Variants in DNAJC1 observed in about 807,000 individuals in gnomAD.
The protein encoded by DNAJC1 is DnaJ heat shock protein family (Hsp40) member C1.
Under a neutral mutation model 76.6 loss-of-function variants are expected in DNAJC1, and 58 were observed. That is an observed-to-expected ratio of 0.76 (90% CI 0.61 to 0.94). DNAJC1 has a LOEUF of 0.94. DNAJC1 is among the 40% of genes least tolerant of loss of function. The pLI, the probability that DNAJC1 is intolerant of heterozygous loss-of-function variation, is 0.00. For synonymous variants in DNAJC1, 258 were observed against 267.9 expected, an observed-to-expected ratio of 0.96 and a Z score of 0.36; for missense variants, 689 against 677.3, an observed-to-expected ratio of 1.02 and a Z score of -0.19.
intron 8 of DNAJC1, among the ~76,000 whole-genome samples, chr10:21,858,120 A>G (rs1590018409): frequency 1.3e-5 from 2 of 152,190 alleles, no homozygotes; most frequent in South Asian, 2.1e-4. Context: ...GAACACAAAA[A>G]CAATTTTGGA....
At chr10:21,936,778 G>C (rs1837319136) in intron 1 of DNAJC1, among the ~76,000 whole-genome samples, 1 of 151,668 alleles carries the variant, frequency 6.6e-6, no homozygotes, top group Non-Finnish European at 1.5e-5. Flanking sequence ...AGAATATAAA[G>C]ATCTACAGTA....
At chr10:21,828,358 C>G (rs888635160) in intron 8 of DNAJC1, among the ~76,000 whole-genome samples, 1 of 152,054 alleles carries the variant, frequency 6.6e-6, no homozygotes, top group South Asian at 2.1e-4. Flanking sequence ...AAATGAGTAA[C>G]CATTTACAAG....
chr10:21,887,684 A>G (rs1245582765), intron 7 of DNAJC1, among the ~76,000 whole-genome samples: 1 of 152,206 alleles, frequency 6.6e-6, no homozygotes, highest in Admixed American at 6.5e-5. Context: ...GGCTAGCCAT[A>G]TGCAGAAGAT....
chr10:21,870,758 G>C (rs1836090087), intron 8 of DNAJC1, among the ~76,000 whole-genome samples: 1 of 152,062 alleles, frequency 6.6e-6, no homozygotes, highest in African/African-American at 2.4e-5. Context: ...GTTGGCAACA[G>C]AGCGAGACCT....
intron 8 of DNAJC1, among the ~76,000 whole-genome samples, chr10:21,859,723 T>A (rs1835892900): frequency 6.6e-6 from 1 of 152,112 alleles, no homozygotes; most frequent in Non-Finnish European, 1.5e-5. Flanking sequence ...TTTTAGATTA[T>A]AAATACTGGA....
chr10:21,987,814 T>C (rs1838270619), intron 1 of DNAJC1, among the ~76,000 whole-genome samples: 1 of 152,200 alleles, frequency 6.6e-6, no homozygotes, highest in Admixed American at 6.5e-5. Flanking sequence ...AGCAGAACTC[T>C]AAGTGAAATA....
intron 1 of DNAJC1, among the ~76,000 whole-genome samples, chr10:21,962,296 G>A (rs139647610): frequency 1.3e-5 from 2 of 151,898 alleles, no homozygotes; most frequent in East Asian, 3.9e-4. Context: ...GTGAATTAAT[G>A]TATAGTAATT....
Position 21,756,676 on chromosome 10 carries a change from T to G in DNAJC1, c.*11A>C. On this transcript the variant is annotated 3_prime_UTR_variant, in exon 12 of 12. Transcript: ENST00000376980. ...TTGGAAAATGAAGGTGAACATCATC[T>G]CCCAGAATATTCAGCTTTTAGCTTG... 6.2e-7 allele frequency: 1 copy of G among 1,603,442 alleles called. No individual in the cohort carries two copies. The highest frequency in any genetic ancestry group is 1.3e-5 in the African/African-American group (1 of 74,826).
chr10:21,912,750 T>C (rs1836885116), intron 6 of DNAJC1, among the ~76,000 whole-genome samples: 1 of 152,090 alleles, frequency 6.6e-6, no homozygotes, highest in Non-Finnish European at 1.5e-5. Context: ...CATAGCCTTT[T>C]AGAAGCTTTT....
Position 21,777,230 on chromosome 10 carries a change from A to C in DNAJC1, c.1099-10921T>G, listed in dbSNP as rs191493044. Among the ~76,000 whole-genome samples the C allele has an allele frequency of 1.4e-3, 215 of 152,354 alleles. 1 individual carries two copies. Among genetic ancestry groups the C allele is most frequent in the Middle Eastern group, 6.8e-3 (2 of 294 alleles). ...AGACACCATTCTTTAGGTAAGATAT[A>C]GGGCTCTGATGAGTAAGTACAAATT... On this transcript the variant is annotated intron_variant, in intron 9 of 11. Coordinates refer to ENST00000376980, the MANE Select transcript of DNAJC1 (RefSeq NM_022365.4).
intron 1 of DNAJC1, among the ~76,000 whole-genome samples, chr10:21,999,541 C>T (rs1263211856): frequency 2.6e-5 from 4 of 151,150 alleles, no homozygotes; most frequent in South Asian, 2.1e-4. Flanking sequence ...CTGCAACCTC[C>T]GCCTCCCGGG....
At chr10:21,912,180 T>C (rs1295443841) in intron 6 of DNAJC1, among the ~76,000 whole-genome samples, 2 of 152,104 alleles carry the variant, frequency 1.3e-5, no homozygotes, top group African/African-American at 4.8e-5. Flanking sequence ...TTATTTTTCT[T>C]ATGTATTTTT....
At chr10:21,801,871 T>C (rs1834818699) in intron 9 of DNAJC1, among the ~76,000 whole-genome samples, 1 of 152,176 alleles carries the variant, frequency 6.6e-6, no homozygotes, top group Admixed American at 6.6e-5. Flanking sequence ...GTACTATCCT[T>C]AGCAAACTAA....
chr10:21,963,776 T>C (rs978038883), intron 1 of DNAJC1, among the ~76,000 whole-genome samples: 4 of 152,244 alleles, frequency 2.6e-5, no homozygotes, highest in African/African-American at 9.6e-5. Context: ...TTTATTCATT[T>C]CCATTTAATG....
rs1564794719 is a variant in DNAJC1, at chr10:21,813,170, CT to C, written c.979-7072del. On this transcript the variant is annotated intron_variant, in intron 8 of 11. Coordinates refer to ENST00000376980, the MANE Select transcript of DNAJC1 (RefSeq NM_022365.4). Reference sequence around the variant, plus strand: ...TACTTGTCTCTCTCTCTCTCTCTCTCTCTCCCTCTCTCTCTCTCTCTCTCTC... The same window carrying C: ...TACTTGTCTCTCTCTCTCTCTCTCTCCTCCCTCTCTCTCTCTCTCTCTCTC... Among the ~76,000 whole-genome samples, 248 of 63,464 alleles carry C rather than the reference CT, an allele frequency of 3.9e-3. 2 individuals carry two copies. Among genetic ancestry groups the C allele is most frequent in the Non-Finnish European group, 5.8e-3 (210 of 36,326 alleles). The allele number at this position is 63,464 out of a possible 152,430, so 41.6% of individuals were successfully genotyped here. A position where few individuals can be genotyped will look rare whatever the true frequency, so the allele number is the denominator to read the frequency against.
At chr10:21,934,739 A>T (rs74122704) in intron 1 of DNAJC1, among the ~76,000 whole-genome samples, 6 of 152,294 alleles carry the variant, frequency 3.9e-5, no homozygotes, top group African/African-American at 1.4e-4. Flanking sequence ...TACCATCTAG[A>T]TTTGTATAAA....
chr10:21,835,215 A>G (rs1047467560), intron 8 of DNAJC1, among the ~76,000 whole-genome samples: 19 of 152,326 alleles, frequency 1.2e-4, no homozygotes, highest in African/African-American at 4.1e-4. Flanking sequence ...CCAGGCAAAC[A>G]GGGTCTGGAG....
intron 8 of DNAJC1, among the ~76,000 whole-genome samples, chr10:21,844,284 T>C (rs1350341359): frequency 6.6e-6 from 1 of 152,014 alleles, no homozygotes; most frequent in Non-Finnish European, 1.5e-5. Flanking sequence ...TTTTTTGTAT[T>C]TTTAGTACAG....
chr10:21,924,306 G>C (rs749123703), intron 3 of DNAJC1, among the ~76,000 whole-genome samples: 29 of 152,072 alleles, frequency 1.9e-4, no homozygotes, highest in Middle Eastern at 3.4e-3. Context: ...ACATATTAAG[G>C]CTGAATAACT....
Sources: allele counts gnomAD v4.1 joint callset (sites outside exome capture counted in the v4.1 genomes callset), GRCh38; gene constraint gnomAD v4.1.1; transcripts MANE v1.5; gene names NCBI Gene and HGNC (gene_info 2026-07-23, HGNC 2026-07-21).